Variants in CACNG2 observed in about 807,000 individuals in gnomAD.
CACNG2 encodes the protein calcium voltage-gated channel auxiliary subunit gamma 2.
In CACNG2, 3 loss-of-function variants were observed where a neutral mutation model predicts 25.9. That is an observed-to-expected ratio of 0.12 (90% CI 0.05 to 0.30). The LOEUF (loss-of-function observed/expected upper bound fraction) is 0.30. CACNG2 is among the 10% of genes least tolerant of loss of function. The pLI, the probability that CACNG2 is intolerant of heterozygous loss-of-function variation, is 1.00. For missense variants in CACNG2, 341 were observed against 432.5 expected, an observed-to-expected ratio of 0.79 and a Z score of 1.88; for synonymous variants, 167 against 173.3, an observed-to-expected ratio of 0.96 and a Z score of 0.29.
intron 1 of CACNG2, among the ~76,000 whole-genome samples, chr22:36,642,413 C>T (rs776637118): frequency 6.6e-6 from 1 of 152,202 alleles, no homozygotes; most frequent in African/African-American, 2.4e-5. Flanking sequence ...AGTGCTGAAG[C>T]CTTTGGCTGT....
chr22:36,567,021 T>G (rs900766517), intron 2 of CACNG2, among the ~76,000 whole-genome samples: 7 of 152,220 alleles, frequency 4.6e-5, no homozygotes, highest in Non-Finnish European at 8.8e-5. Flanking sequence ...TTGGGCACGC[T>G]GAGAGGCAGT....
chr22:36,628,281 A>G (rs1936214886), intron 1 of CACNG2, among the ~76,000 whole-genome samples: 1 of 152,272 alleles, frequency 6.6e-6, no homozygotes, highest in Admixed American at 6.5e-5. Context: ...GAGACAAAAT[A>G]GAGCAAAACA....
At chr22:36,597,104 C>T (rs539210948) in intron 1 of CACNG2, among the ~76,000 whole-genome samples, 1 of 152,182 alleles carries the variant, frequency 6.6e-6, no homozygotes, top group African/African-American at 2.4e-5. Context: ...CTCACTGCAA[C>T]CTCCGCCTCC....
At chr22:36,691,591 A>G (rs1479724280) in intron 1 of CACNG2, among the ~76,000 whole-genome samples, 2 of 152,238 alleles carry the variant, frequency 1.3e-5, no homozygotes, top group African/African-American at 4.8e-5. Context: ...TTAGTGTCAT[A>G]GAAGGCTGTA....
intron 1 of CACNG2, among the ~76,000 whole-genome samples, chr22:36,611,106 G>A (rs1474192772): frequency 6.6e-6 from 1 of 152,204 alleles, no homozygotes; most frequent in Non-Finnish European, 1.5e-5. Context: ...TGCACAGAGG[G>A]CTTGGCAAGC....
intron 1 of CACNG2, among the ~76,000 whole-genome samples, chr22:36,666,185 G>T (rs934467084): frequency 6.6e-6 from 1 of 152,130 alleles, no homozygotes; most frequent in East Asian, 1.9e-4. Context: ...TGGGAGGCTC[G>T]CTTTAGCCTA....
chr22:36,578,533 C>T (rs1935362910), intron 2 of CACNG2, among the ~76,000 whole-genome samples: 1 of 152,128 alleles, frequency 6.6e-6, no homozygotes, highest in Admixed American at 6.5e-5. Context: ...CAGAGTGGAG[C>T]ACCCCTTGAA....
intron 1 of CACNG2, among the ~76,000 whole-genome samples, chr22:36,590,161 C>A (rs1220537441): frequency 1.3e-5 from 2 of 152,168 alleles, no homozygotes; most frequent in Non-Finnish European, 2.9e-5. Flanking sequence ...CTACGGGGAG[C>A]CTAGTTGCTC....
At chr22:36,678,459 A>G (rs76345181) in intron 1 of CACNG2, among the ~76,000 whole-genome samples, 3,617 of 150,298 alleles carry the variant, frequency 0.024, 69 homozygotes, top group African/African-American at 0.043. Context: ...ACCTTCTACT[A>G]CCCTCTCTCT....
At chr22:36,605,154 A>C (rs960889929) in intron 1 of CACNG2, among the ~76,000 whole-genome samples, 4 of 151,960 alleles carry the variant, frequency 2.6e-5, no homozygotes, top group African/African-American at 4.8e-5. Flanking sequence ...AGCTCACTGC[A>C]ACCTCTGTCT....
chr22:36,645,573 C>T (rs1936510201), intron 1 of CACNG2, among the ~76,000 whole-genome samples: 1 of 142,712 alleles, frequency 7.0e-6, no homozygotes, highest in South Asian at 2.2e-4. Flanking sequence ...AAAAGAAATG[C>T]TAGTTTCTGT....
intron 1 of CACNG2, among the ~76,000 whole-genome samples, chr22:36,659,305 G>A (rs1264510971): frequency 6.6e-6 from 1 of 152,146 alleles, no homozygotes; most frequent in Non-Finnish European, 1.5e-5. Context: ...ACAGGGCCAC[G>A]TGGAGTCAGG....
intron 1 of CACNG2, among the ~76,000 whole-genome samples, chr22:36,587,988 C>T (rs1935531719): frequency 6.6e-6 from 1 of 152,204 alleles, no homozygotes; most frequent in African/African-American, 2.4e-5. Flanking sequence ...CTGGTGCTGC[C>T]AGATGCTGCC....
At chr22:36,630,102 G>A (rs1441284481) in intron 1 of CACNG2, among the ~76,000 whole-genome samples, 1 of 152,184 alleles carries the variant, frequency 6.6e-6, no homozygotes, top group East Asian at 1.9e-4. Context: ...GTGCGGGAGG[G>A]AGACCATGGG....
chr22:36,610,818 T>C (rs1935928888), intron 1 of CACNG2, among the ~76,000 whole-genome samples: 1 of 152,130 alleles, frequency 6.6e-6, no homozygotes, highest in Non-Finnish European at 1.5e-5. Flanking sequence ...TGCATATGTG[T>C]GGGAGAGGTA....
rs546900730 is a variant in CACNG2 at position 36,665,194 on chromosome 22, G to T, written c.211+37172C>A. On this transcript the variant is annotated intron_variant, in intron 1 of 3. Coordinates refer to ENST00000300105, the MANE Select transcript of CACNG2 (RefSeq NM_006078.5). Reference sequence around the variant, plus strand: ...AGTGTCTGCCTTTCACATGCAGCCAGAATGACTTTTCTAGCAAAGTAGAGC... The same window carrying T: ...AGTGTCTGCCTTTCACATGCAGCCATAATGACTTTTCTAGCAAAGTAGAGC... 4.6e-5 allele frequency among the ~76,000 whole-genome samples: 7 copies of T among 152,368 alleles called. No individual in the cohort carries two copies. In the East Asian group the frequency reaches 1.3e-3, roughly 29 times the overall value.
At chr22:36,660,046 C>G (rs1206135608) in intron 1 of CACNG2, among the ~76,000 whole-genome samples, 1 of 152,246 alleles carries the variant, frequency 6.6e-6, no homozygotes, top group African/African-American at 2.4e-5. Context: ...CGACTCTGCT[C>G]CTGGTACCCG....
At chr22:36,623,008 AT>A (rs1370693003) in intron 1 of CACNG2, among the ~76,000 whole-genome samples, 1 of 129,774 alleles carries the variant, frequency 7.7e-6, no homozygotes, top group Non-Finnish European at 1.6e-5. Flanking sequence ...TCTTCAAAAC[AT>A]GGGTTTTTTT....
At chr22:36,567,612 G>A (rs1385462184) in intron 2 of CACNG2, among the ~76,000 whole-genome samples, 6 of 152,138 alleles carry the variant, frequency 3.9e-5, no homozygotes, top group South Asian at 2.1e-4. Context: ...GGGGACAGGT[G>A]GCTAAGGGCA....
Sources: allele counts gnomAD v4.1 joint callset (sites outside exome capture counted in the v4.1 genomes callset), GRCh38; gene constraint gnomAD v4.1.1; transcripts MANE v1.5; gene names NCBI Gene and HGNC (gene_info 2026-07-23, HGNC 2026-07-21).